MAP4: variants seen among roughly 807,000 people sequenced by gnomAD.
MAP4 encodes the protein microtubule-associated protein 4.
In MAP4, 76 loss-of-function variants were observed where a neutral mutation model predicts 170.2. That is an observed-to-expected ratio of 0.45 (90% CI 0.37 to 0.54). The LOEUF is 0.54. MAP4 is among the 20% of genes least tolerant of loss of function. The pLI, the probability that MAP4 is intolerant of heterozygous loss-of-function variation, is 0.00. For synonymous variants in MAP4, 909 were observed against 994.5 expected (o/e 0.91, Z 1.62); for missense variants, 2,506 against 2,748.0 (o/e 0.91, Z 1.97).
chr3:47,863,937 TGGG>T (rs1553728778), intron 17 of MAP4, among the ~76,000 whole-genome samples: 35 of 138,360 alleles, frequency 2.5e-4, no homozygotes, highest in East Asian at 6.3e-4. Flanking sequence ...TGTGTGTGTG[TGGG>T]GAGTGGTGGG....
chr3:47,927,702 C>T (rs538860293), intron 4 of MAP4, among the ~76,000 whole-genome samples: 1 of 152,214 alleles, frequency 6.6e-6, no homozygotes, highest in East Asian at 1.9e-4. Context: ...CTCGAACTCT[C>T]GAACTCAGGT....
chr3:47,881,836 G>A (rs906359101), intron 10 of MAP4, among the ~76,000 whole-genome samples: 7 of 151,884 alleles, frequency 4.6e-5, no homozygotes, highest in Non-Finnish European at 1.0e-4. Context: ...GAACTCCTAG[G>A]CTCAAGTGAT....
intron 1 of MAP4, among the ~76,000 whole-genome samples, chr3:48,001,507 T>C (rs1260621814): frequency 6.6e-6 from 1 of 152,224 alleles, no homozygotes; most frequent in Non-Finnish European, 1.5e-5. Context: ...AGTACCATTA[T>C]ACAAAAATGT....
At chr3:47,943,309 T>C (rs1388986867) in intron 3 of MAP4, among the ~76,000 whole-genome samples, 1 of 152,160 alleles carries the variant, frequency 6.6e-6, no homozygotes, top group African/African-American at 2.4e-5. Context: ...CTAACCTTTC[T>C]TGATTTAAAA....
intron 1 of MAP4, among the ~76,000 whole-genome samples, chr3:48,085,912 C>T (rs1045908181): frequency 6.6e-6 from 1 of 152,036 alleles, no homozygotes; most frequent in Non-Finnish European, 1.5e-5. Flanking sequence ...ATTAGCCAGG[C>T]GTGGTGGCAC....
intron 2 of MAP4, among the ~76,000 whole-genome samples, chr3:47,987,003 C>G (rs564163639): frequency 6.6e-6 from 1 of 152,314 alleles, no homozygotes; most frequent in East Asian, 1.9e-4. Context: ...AATGATTACA[C>G]ATCTATCATG....
chr3:47,913,607 A>C (rs2100037061), intron 8 of MAP4, among the ~76,000 whole-genome samples: 1 of 152,212 alleles, frequency 6.6e-6, no homozygotes, highest in Non-Finnish European at 1.5e-5. Context: ...ACGGGGACTT[A>C]AATATCTATA....
At chr3:48,001,647 G>A (rs1199870237) in intron 1 of MAP4, among the ~76,000 whole-genome samples, 1 of 151,680 alleles carries the variant, frequency 6.6e-6, no homozygotes, top group Non-Finnish European at 1.5e-5. Flanking sequence ...TTACAGGTAC[G>A]CACCGCCACA....
Position 47,913,836 on chromosome 3 carries a change from A to G in MAP4, c.1999+981T>C, listed in dbSNP as rs75759447. Among the ~76,000 whole-genome samples the G allele has an allele frequency of 2.9e-3, 440 of 152,228 alleles. 4 individuals are homozygous for G. The highest frequency in any genetic ancestry group is 1.0e-2 in the African/African-American group (414 of 41,586). On this transcript the variant is annotated intron_variant, in intron 8 of 20. Transcript: ENST00000683076. ...GTCCACATTCCAATCATAGTCACAG[A>G]AAAGTAAACAGAAAATCAAGTTGAT...
intron 10 of MAP4, among the ~76,000 whole-genome samples, chr3:47,882,179 T>G (rs890109726): frequency 6.1e-4 from 93 of 152,288 alleles, no homozygotes; most frequent in African/African-American, 2.0e-3. Flanking sequence ...CTTGGGAGGC[T>G]GAGGCAGGAG....
intron 17 of MAP4, among the ~76,000 whole-genome samples, chr3:47,861,512 C>A (rs2065914271): frequency 6.6e-6 from 1 of 151,786 alleles, no homozygotes; most frequent in Non-Finnish European, 1.5e-5. Flanking sequence ...ACCACCACGC[C>A]CAGCTGATTT....
chr3:47,891,289 G>C, intron 10 of MAP4: 2 of 1,536,222 alleles, frequency 1.3e-6, no homozygotes, highest in Non-Finnish European at 1.7e-6. Flanking sequence ...TGCTGTTGCT[G>C]AAGTGAGCCA....
chr3:48,081,016 A>C (rs1266005190), intron 1 of MAP4, among the ~76,000 whole-genome samples: 6 of 152,130 alleles, frequency 3.9e-5, no homozygotes, highest in Non-Finnish European at 8.8e-5. Context: ...CCCAGCTACT[A>C]AAGAGGCTGA....
In MAP4 at chr3:47,909,686, C is replaced by A; in HGVS notation, c.4735G>T (p.Val1579Leu). 1 of 1,613,980 alleles carries A rather than the reference C, an allele frequency of 6.2e-7. No homozygotes were observed. The highest frequency in any genetic ancestry group is 8.5e-7 in the Non-Finnish European group (1 of 1,179,882). Reference protein sequence around the residue: ...ELAKGHLLPGVPVEDQSLPGE... With the variant: ...ELAKGHLLPGLPVEDQSLPGE... ...GGTAGGCTCTGGTCTTCTACTGGCA[C>A]TCCAGGAAGGAGGTGACCTTTTGCT... The change falls in exon 9 of 21, where the codon GTG becomes TTG. Residue 1579 changes from valine to leucine, a missense_variant. Physicochemically the swap from Val to Leu is conservative, Grantham distance 32. This residue lies in a region of MAP4 where 2,008 missense variants were observed against 2,206.0 expected (regional missense o/e 0.91). Coordinates refer to ENST00000683076, the MANE Select transcript of MAP4 (RefSeq NM_001385682.1).
At chr3:47,932,092 T>C (rs1478986678) in intron 3 of MAP4, among the ~76,000 whole-genome samples, 2 of 152,176 alleles carry the variant, frequency 1.3e-5, no homozygotes, top group African/African-American at 2.4e-5. Flanking sequence ...CCTTTCCCAC[T>C]TTCCCCTACC....
chr3:48,058,865 C>T (rs1214321772), intron 1 of MAP4, among the ~76,000 whole-genome samples: 1 of 152,142 alleles, frequency 6.6e-6, no homozygotes, highest in Non-Finnish European at 1.5e-5. Context: ...CTGCAACCTC[C>T]ACCTCCTGGG....
chr3:47,892,024 C>T (rs909633502), intron 10 of MAP4: 2 of 1,536,138 alleles, frequency 1.3e-6, no homozygotes, highest in Non-Finnish European at 1.7e-6. Flanking sequence ...GGCTCTTGGT[C>T]TCTAGTCCAT....
intron 2 of MAP4, among the ~76,000 whole-genome samples, chr3:47,984,615 T>TGGG: frequency 6.6e-6 from 1 of 151,734 alleles, no homozygotes; most frequent in South Asian, 2.1e-4. Flanking sequence ...GCAGATGGCT[T>TGGG]GAGCCCAGGA....
At chr3:48,087,747 A>ACACACACACACACGCG (rs1559930121) in intron 1 of MAP4, among the ~76,000 whole-genome samples, 1 of 74,164 alleles carries the variant, frequency 1.3e-5, no homozygotes, top group Non-Finnish European at 2.8e-5. Flanking sequence ...ACGCACGCGC[A>ACACACACACACACGCG]CACACACACA....
Sources: allele counts gnomAD v4.1 joint callset (sites outside exome capture counted in the v4.1 genomes callset), GRCh38; gene constraint gnomAD v4.1.1; regional missense constraint gnomAD v4.1.1; transcripts MANE v1.5; gene names NCBI Gene and HGNC (gene_info 2026-07-23, HGNC 2026-07-21).